Variants in MACROD1 observed in about 807,000 individuals in gnomAD.
MACROD1 encodes the protein ADP-ribose glycohydrolase MACROD1.
In MACROD1, 31 loss-of-function variants were observed where a neutral mutation model predicts 41.4. That is an observed-to-expected ratio of 0.75 (90% confidence interval 0.56 to 1.01). The LOEUF is 1.01. Ranked by LOEUF, MACROD1 falls within the 50% of genes least tolerant of loss-of-function variation. MACROD1 has a pLI of 0.00. For missense variants in MACROD1, 473 were observed against 460.0 expected (o/e 1.03, Z -0.26); for synonymous variants, 252 against 203.4 (o/e 1.24, Z -2.03).
Position 64,065,565 on chromosome 11 carries a change from G to A in MACROD1, c.518-50284C>T, listed in dbSNP as rs750688092. ...AGCACTTTGGGAGGCCAAGGTGGGCGAATCACGAGGTCAGGAGATCAAGAC... is the reference window on the plus strand; with the variant it reads ...AGCACTTTGGGAGGCCAAGGTGGGCAAATCACGAGGTCAGGAGATCAAGAC... On this transcript the variant is annotated intron_variant, in intron 3 of 10. Transcript: ENST00000255681. Among the ~76,000 whole-genome samples, 9 of 152,170 alleles carry A rather than the reference G, an allele frequency of 5.9e-5. No individual in the cohort carries two copies. In the East Asian group the frequency reaches 1.2e-3, roughly 20 times the overall value.
At chr11:64,057,620 G>A (rs1565212824) in intron 3 of MACROD1, among the ~76,000 whole-genome samples, 1 of 152,178 alleles carries the variant, frequency 6.6e-6, no homozygotes, top group South Asian at 2.1e-4. Context: ...TACACCCAAG[G>A]GCCTGGACCC....
intron 3 of MACROD1, among the ~76,000 whole-genome samples, chr11:64,097,120 C>A (rs776859197): frequency 5.3e-5 from 8 of 152,234 alleles, no homozygotes; most frequent in Non-Finnish European, 1.0e-4. Context: ...CCCTGTTGCT[C>A]AGCTGCACTG....
chr11:64,039,006 C>T (rs1943434597), intron 3 of MACROD1, among the ~76,000 whole-genome samples: 1 of 152,190 alleles, frequency 6.6e-6, no homozygotes, highest in South Asian at 2.1e-4. Flanking sequence ...GCCTAGTCTA[C>T]ACCCCTCGTT....
chr11:64,003,676 G>A (rs1387810764), intron 4 of MACROD1, among the ~76,000 whole-genome samples: 2 of 152,210 alleles, frequency 1.3e-5, no homozygotes, highest in East Asian at 3.8e-4. Context: ...AAGAAACTGA[G>A]GCACAGAGAG....
At chr11:64,101,398 G>A (rs968950619) in intron 3 of MACROD1, among the ~76,000 whole-genome samples, 20 of 152,142 alleles carry the variant, frequency 1.3e-4, no homozygotes, top group African/African-American at 4.6e-4. Flanking sequence ...TCCTTTTTGG[G>A]TTCTTAATTT....
intron 3 of MACROD1, among the ~76,000 whole-genome samples, chr11:64,034,872 A>T (rs933860225): frequency 6.6e-6 from 1 of 152,238 alleles, no homozygotes; most frequent in African/African-American, 2.4e-5. Context: ...TGACCAGGGC[A>T]GGCCAGGCTG....
chr11:64,033,834 G>A (rs570417101), intron 3 of MACROD1, among the ~76,000 whole-genome samples: 1 of 151,824 alleles, frequency 6.6e-6, no homozygotes, highest in Admixed American at 6.6e-5. Context: ...AGAGTGAAAC[G>A]CCGCCCCCCC....
chr11:64,037,844 T>C (rs186236812), intron 3 of MACROD1, among the ~76,000 whole-genome samples: 162 of 152,334 alleles, frequency 1.1e-3, no homozygotes, highest in African/African-American at 3.6e-3. Context: ...TCCACCTCCC[T>C]GTGCCTCAGT....
chr11:64,113,736 T>TG (rs1944907898), intron 3 of MACROD1, among the ~76,000 whole-genome samples: 1 of 142,226 alleles, frequency 7.0e-6, no homozygotes, highest in East Asian at 2.2e-4. Context: ...GATACATGGA[T>TG]GATGGATGGA....
chr11:64,073,047 C>T (rs1944137871), intron 3 of MACROD1, among the ~76,000 whole-genome samples: 1 of 152,176 alleles, frequency 6.6e-6, no homozygotes, highest in Non-Finnish European at 1.5e-5. Context: ...CCAGCAGGCC[C>T]AGCTCCTGAC....
chr11:64,088,383 C>A (rs950049919), intron 3 of MACROD1, among the ~76,000 whole-genome samples: 2 of 152,178 alleles, frequency 1.3e-5, no homozygotes, highest in African/African-American at 2.4e-5. Context: ...TGTCTGCGGG[C>A]CTCGGGGTCC....
rs532905696 is a variant in MACROD1, at chr11:64,015,222, C to T, written c.547+30G>A. 9.5e-6 allele frequency: 15 copies of T among 1,577,632 alleles called. No homozygotes were observed. In the South Asian group the frequency reaches 1.5e-4, roughly 16 times the overall value. ...ACCCAGCAGGGGAGATGCCACACCC[C>T]ACCCCCACCAAGACAGAAGGTCCAC... On this transcript the variant is annotated intron_variant, in intron 4 of 10. Transcript: ENST00000255681.
At position 64,078,113 on chromosome 11, in the gene MACROD1, GGGCT is replaced by G. The variant is rs1427827402; in HGVS notation, c.518-62836_518-62833del. Among the ~76,000 whole-genome samples the G allele has an allele frequency of 2.6e-5, 4 of 152,170 alleles. No individual in the cohort carries two copies. In the East Asian group the frequency reaches 7.7e-4, roughly 29 times the overall value. On this transcript the variant is annotated intron_variant, in intron 3 of 10. Coordinates refer to ENST00000255681, the MANE Select transcript of MACROD1 (RefSeq NM_014067.4). ...ACTGCCCTGCGCACCTGCCGGCTTGGGGCTGCAGGCAGCACTCCTTTCCTTCCTC... is the reference window on the plus strand; with the variant it reads ...ACTGCCCTGCGCACCTGCCGGCTTGGGCAGGCAGCACTCCTTTCCTTCCTC...
At chr11:64,056,756 G>A (rs1246568093) in intron 3 of MACROD1, among the ~76,000 whole-genome samples, 1 of 152,152 alleles carries the variant, frequency 6.6e-6, no homozygotes, top group Non-Finnish European at 1.5e-5. Context: ...GGGACCCCTT[G>A]GTGTGGGATG....
chr11:64,161,700 G>A (rs1945758859), intron 1 of MACROD1, among the ~76,000 whole-genome samples: 1 of 152,240 alleles, frequency 6.6e-6, no homozygotes, highest in African/African-American at 2.4e-5. Flanking sequence ...TTGGGAGGCT[G>A]CGGTGGGCGG....
At chr11:64,115,833 A>G (rs1369226988) in intron 3 of MACROD1, among the ~76,000 whole-genome samples, 1 of 152,190 alleles carries the variant, frequency 6.6e-6, no homozygotes, top group Non-Finnish European at 1.5e-5. Context: ...TGGTACCTTT[A>G]GCGTTGGCCA....
At chr11:64,151,435 C>T (rs904469559) in intron 2 of MACROD1, 80 bp from the exon 3 acceptor site, 43 of 1,032,312 alleles carry the variant, frequency 4.2e-5, no homozygotes, top group Non-Finnish European at 5.8e-5. Flanking sequence ...GGGGCCAGGG[C>T]CTTCCCTATC....
intron 4 of MACROD1, among the ~76,000 whole-genome samples, chr11:64,008,215 T>C (rs1430099767): frequency 6.6e-6 from 1 of 150,786 alleles, no homozygotes; most frequent in Non-Finnish European, 1.5e-5. Context: ...AGGCAAAGCG[T>C]GGAGGGAGAA....
intron 3 of MACROD1, among the ~76,000 whole-genome samples, chr11:64,069,635 C>T (rs1944069350): frequency 6.6e-6 from 1 of 152,038 alleles, no homozygotes; most frequent in African/African-American, 2.4e-5. Context: ...GTGGCCTGAC[C>T]CCATCCTGGG....
Sources: gnomAD v4.1 joint callset for allele counts (sites outside exome capture counted in the v4.1 genomes callset) on GRCh38, gnomAD v4.1.1 for gene constraint, MANE v1.5 for transcripts, NCBI Gene and HGNC (gene_info 2026-07-23, HGNC 2026-07-21) for gene names.